LANCL2: variants seen among roughly 807,000 people sequenced by gnomAD.
LANCL2 encodes lanC-like protein 2.
Under a neutral mutation model 56.9 loss-of-function variants are expected in LANCL2, and 33 were observed. The observed-to-expected ratio is 0.58, with a 90% CI of 0.44 to 0.78. LANCL2 has a LOEUF of 0.78. Among genes scored for constraint, LANCL2 ranks in the 30% least tolerant of loss-of-function variants. The pLI is 0.00. For missense variants in LANCL2, 562 were observed against 580.2 expected, an observed-to-expected ratio of 0.97 and a Z score of 0.32; for synonymous variants, 233 against 228.2, an observed-to-expected ratio of 1.02 and a Z score of -0.19.
chr7:55,410,295 C>G (rs1790456781), intron 5 of LANCL2, among the ~76,000 whole-genome samples: 1 of 152,176 alleles, frequency 6.6e-6, no homozygotes, highest in Non-Finnish European at 1.5e-5. Context: ...TGGAAATAAA[C>G]TTAATGACCT....
intron 5 of LANCL2, among the ~76,000 whole-genome samples, chr7:55,410,472 G>A (rs1790458195): frequency 6.6e-6 from 1 of 152,048 alleles, no homozygotes; most frequent in Non-Finnish European, 1.5e-5. Context: ...AAGAAATGAG[G>A]TTTTTATTTC....
chr7:55,389,264 A>T (rs969539994), intron 1 of LANCL2, among the ~76,000 whole-genome samples: 2 of 152,158 alleles, frequency 1.3e-5, no homozygotes, highest in African/African-American at 4.8e-5. Flanking sequence ...TCTGTCCCAC[A>T]GTGGGACTGG....
intron 1 of LANCL2, among the ~76,000 whole-genome samples, chr7:55,380,285 A>G (rs947958255): frequency 6.6e-5 from 10 of 152,192 alleles, no homozygotes; most frequent in South Asian, 2.1e-4. Context: ...GTTGGTCTCA[A>G]AATAGATTTG....
chr7:55,382,499 C>T (rs1046618312), intron 1 of LANCL2, among the ~76,000 whole-genome samples: 9 of 152,026 alleles, frequency 5.9e-5, no homozygotes, highest in Non-Finnish European at 1.2e-4. Context: ...GAACTGGAGA[C>T]CGGAGTTTTT....
Position 55,419,644 on chromosome 7 carries a change from C to T in LANCL2, c.1009-5610C>T, listed in dbSNP as rs548388192. Among the ~76,000 whole-genome samples, 8 of 152,046 alleles carry T rather than the reference C, an allele frequency of 5.3e-5. No homozygotes were observed. The South Asian group carries it at 6.2e-4, about 12-fold the overall frequency. On this transcript the variant is annotated intron_variant, in intron 6 of 8. Coordinates refer to ENST00000254770, the MANE Select transcript of LANCL2 (RefSeq NM_018697.4). ...CTCGAACTCCTGACCTCAGGTGATC[C>T]GCCTGCTTCGGCCTCCCAAAGTGCT...
At chr7:55,410,303 C>T (rs558095556) in intron 5 of LANCL2, among the ~76,000 whole-genome samples, 1 of 152,232 alleles carries the variant, frequency 6.6e-6, no homozygotes, top group East Asian at 1.9e-4. Flanking sequence ...AACTTAATGA[C>T]CTATAGTTTT....
intron 6 of LANCL2, among the ~76,000 whole-genome samples, chr7:55,416,984 T>TTTTG (rs1554385140): frequency 2.3e-5 from 3 of 130,272 alleles, no homozygotes; most frequent in Non-Finnish European, 3.2e-5. Flanking sequence ...TTTTTTTTTT[T>TTTTG]TTTTTTTTTT....
At chr7:55,425,584 C>T (rs977628509) in intron 7 of LANCL2, among the ~76,000 whole-genome samples, 154 bp downstream of exon 7, 7 of 152,172 alleles carry the variant, frequency 4.6e-5, no homozygotes, top group African/African-American at 1.7e-4. Flanking sequence ...TCTGTGGTTT[C>T]TCTGGGCCAC....
At chr7:55,410,741 G>T (rs1790461293) in intron 5 of LANCL2, among the ~76,000 whole-genome samples, 1 of 151,994 alleles carries the variant, frequency 6.6e-6, no homozygotes, top group Admixed American at 6.5e-5. Context: ...GTTCTGTGGT[G>T]CTAATATGTC....
intron 1 of LANCL2, among the ~76,000 whole-genome samples, chr7:55,389,726 A>C (rs975908781): frequency 6.6e-6 from 1 of 152,198 alleles, no homozygotes; most frequent in Non-Finnish European, 1.5e-5. Flanking sequence ...TTCATCAGCA[A>C]AGCCAGTATT....
In LANCL2 at chr7:55,366,310, C is replaced by T. The variant is rs1376903862; in HGVS notation, c.204+81C>T. The T allele has an allele frequency of 6.4e-6, 8 of 1,252,036 alleles. No homozygotes were observed. In the Admixed American group the frequency reaches 2.3e-4, roughly 36 times the overall value. 77.6% of individuals were successfully genotyped at this position (1,252,036 alleles called of 1,614,324 possible). ...GTCCACCTTCCGCCAGGCGTGACGT[C>T]ACAGGCGCGCGCCGGGCTTGGGAGG... is the stretch of plus-strand genomic sequence containing the variant. On this transcript the variant is annotated intron_variant, in intron 1 of 8. Coordinates refer to ENST00000254770, the MANE Select transcript of LANCL2 (RefSeq NM_018697.4).
chr7:55,401,256 G>A lies in LANCL2; in HGVS notation c.761G>A (p.Trp254Ter), dbSNP rs1165283970. 1 of 1,614,132 alleles carries A rather than the reference G, an allele frequency of 6.2e-7. No homozygotes were observed. The change falls in exon 5 of 9, where the codon TGG becomes TAG. Residue 254 changes from tryptophan (W) to a stop codon, truncating the protein, a stop_gained. Transcript: ENST00000254770. LOFTEE classifies it high-confidence loss of function. Reference sequence around the variant, plus strand: ...GAGCGCTGCCCGCTGTTGTACCAGTGGCACCGGAAGCAGTACGTTGGAGCA... The same window carrying A: ...GAGCGCTGCCCGCTGTTGTACCAGTAGCACCGGAAGCAGTACGTTGGAGCA... ...KTERCPLLYQ[W>*]HRKQYVGAAH...
At chr7:55,407,442 C>G (rs1790421317) in intron 5 of LANCL2, among the ~76,000 whole-genome samples, 1 of 152,126 alleles carries the variant, frequency 6.6e-6, no homozygotes. Context: ...TTGAAAGCCC[C>G]CATTAAAAAG....
At chr7:55,367,581 T>C (rs557934273) in intron 1 of LANCL2, among the ~76,000 whole-genome samples, 1 of 152,236 alleles carries the variant, frequency 6.6e-6, no homozygotes, top group South Asian at 2.1e-4. Flanking sequence ...ATACAAAAAT[T>C]AGCCGAGCGT....
intron 2 of LANCL2, among the ~76,000 whole-genome samples, chr7:55,396,750 A>G (rs1562862444): frequency 6.6e-6 from 1 of 152,152 alleles, no homozygotes; most frequent in Non-Finnish European, 1.5e-5. Context: ...GCTTTAAAAT[A>G]CTGAAGCATT....
At chr7:55,395,616 T>A (rs1790241208) in intron 2 of LANCL2, among the ~76,000 whole-genome samples, 1 of 151,750 alleles carries the variant, frequency 6.6e-6, no homozygotes, top group African/African-American at 2.4e-5. Context: ...AGGAAAAAAA[T>A]CAAAGAGAAA....
intron 7 of LANCL2, among the ~76,000 whole-genome samples, chr7:55,427,138 A>AGGTG (rs1790672556): frequency 6.6e-6 from 1 of 152,224 alleles, no homozygotes; most frequent in South Asian, 2.1e-4. Context: ...AAAGTCAGAC[A>AGGTG]GGTGGGTAGA....
Position 55,368,840 on chromosome 7 carries a change from G to T in LANCL2, c.204+2611G>T, listed in dbSNP as rs1789905143. On this transcript the variant is annotated intron_variant, in intron 1 of 8. Transcript: ENST00000254770. ...ATGGGCCCCTAATCCAATATGACTG[G>T]TGTTCTTATATGAAGAAAAGAGAAG... 2.0e-5 allele frequency among the ~76,000 whole-genome samples: 3 copies of T among 152,156 alleles called. 1 individual carries two copies. In the South Asian group the frequency reaches 6.2e-4, roughly 32 times the overall value.
intron 7 of LANCL2, 48 bp downstream of exon 7, chr7:55,425,478 A>G: frequency 1.3e-6 from 2 of 1,564,982 alleles, no homozygotes; most frequent in Non-Finnish European, 1.8e-6. Context: ...CCGAGTGTGC[A>G]CAGAATCCAG....
Sources: allele counts gnomAD v4.1 joint callset (sites outside exome capture counted in the v4.1 genomes callset), GRCh38; gene constraint gnomAD v4.1.1; transcripts MANE v1.5; gene names NCBI Gene and HGNC (gene_info 2026-07-23, HGNC 2026-07-21).